PPP2R1B: variants seen among roughly 807,000 people sequenced by gnomAD.
PPP2R1B encodes the protein serine/threonine-protein phosphatase 2A 65 kDa regulatory subunit A beta isoform.
In PPP2R1B, 58 loss-of-function variants were observed where a neutral mutation model predicts 72.7. The ratio of observed to expected loss-of-function variants is 0.80; its 90% confidence interval spans 0.65 to 0.99. The LOEUF (loss-of-function observed/expected upper bound fraction) is 0.99, where lower values mean the gene tolerates loss of function less well. Among genes scored for constraint, PPP2R1B ranks in the 50% least tolerant of loss-of-function variants. The probability of loss-of-function intolerance (pLI) is 0.00; values close to 1 mark genes in which losing one functional copy is unlikely to be tolerated. For synonymous variants in PPP2R1B, 256 were observed against 264.6 expected (o/e 0.97, Z 0.32); for missense variants, 695 against 733.6 (o/e 0.95, Z 0.61).
chr11:111,703,279 T>C, the PPP2R1B span: 1 of 1,614,186 alleles, frequency 6.2e-7, no homozygotes, highest in Non-Finnish European at 8.5e-7. Flanking sequence ...TCAAGGAGCA[T>C]AAATGGATGC....
chr11:111,749,090 C>T (rs952103491), intron 10 of PPP2R1B, among the ~76,000 whole-genome samples: 3 of 152,124 alleles, frequency 2.0e-5, no homozygotes, highest in African/African-American at 2.4e-5. Context: ...GATGATCCGT[C>T]CGCCTCAGCC....
In PPP2R1B at chr11:111,752,015, C is replaced by G. The variant is rs1171888163; in HGVS notation, c.1338+144G>C. On this transcript the variant is annotated intron_variant, in intron 10 of 14. Transcript: ENST00000527614. ...ACGTATGCACTAACAAACATAAAAA[C>G]CATCCTATAGGTAACAAGAACAAGG... The G allele has an allele frequency of 1.7e-5, 15 of 885,248 alleles. No individual in the cohort carries two copies. The Admixed American group carries it at 4.0e-4, about 23-fold the overall frequency. 54.8% of individuals were successfully genotyped at this position (885,248 alleles called of 1,614,324 possible).
chr11:111,720,968 T>C, the PPP2R1B span: 1 of 1,614,182 alleles, frequency 6.2e-7, no homozygotes, highest in Non-Finnish European at 8.5e-7. Flanking sequence ...TTGAACAAAG[T>C]GCAGTTGTTG....
chr11:111,722,679 G>A (rs1943838084), downstream of PPP2R1B: 10 of 1,613,904 alleles, frequency 6.2e-6, no homozygotes, highest in Non-Finnish European at 8.5e-6. The surrounding 1 kb of genome is among the most constrained non-coding windows in gnomAD (Gnocchi z 4.4). Context: ...CCAGCCTTCT[G>A]TCAAAGGCCC....
chr11:111,753,723 C>T, intron 8 of PPP2R1B, 146 bp from the exon 9 acceptor site: 2 of 783,514 alleles, frequency 2.6e-6, no homozygotes, highest in South Asian at 3.8e-5. Context: ...CCCTCCCAGG[C>T]TCAAGCACTT....
chr11:111,751,742 C>G (rs1189969904), intron 10 of PPP2R1B, among the ~76,000 whole-genome samples: 1 of 152,234 alleles, frequency 6.6e-6, no homozygotes, highest in African/African-American at 2.4e-5. Flanking sequence ...CTTTGGGAGG[C>G]TGAGGCGGGT....
At chr11:111,763,860 C>CTT (rs1358325167) in intron 3 of PPP2R1B, among the ~76,000 whole-genome samples, 2 of 151,472 alleles carry the variant, frequency 1.3e-5, no homozygotes, top group Non-Finnish European at 2.9e-5. Flanking sequence ...CTCTCTCTCT[C>CTT]TCTCTCTCTA....
intron 13 of PPP2R1B, 24 bp downstream of exon 13, chr11:111,742,499 C>A (rs1944557950): frequency 1.2e-6 from 2 of 1,602,858 alleles, no homozygotes; most frequent in African/African-American, 2.7e-5. Flanking sequence ...ACTTTTAAAA[C>A]AAGACTAAAC....
At position 111,764,725 on chromosome 11, in the gene PPP2R1B, C is replaced by T. The variant is rs968404167; in HGVS notation, c.306+80G>A. 9.1e-5 allele frequency: 126 copies of T among 1,377,376 alleles called. No homozygotes were observed. In the Admixed American group the frequency reaches 2.4e-3, roughly 26 times the overall value. The allele number at this position is 1,377,376 out of a possible 1,614,324, so 85.3% of individuals were successfully genotyped here. A position where few individuals can be genotyped will look rare whatever the true frequency, so the allele number is the denominator to read the frequency against. ...AAAAAGATCTGCATAAAAAATGCTGCAGTGTGTCTATCACCAAACAATGTA... is the reference window on the plus strand; with the variant it reads ...AAAAAGATCTGCATAAAAAATGCTGTAGTGTGTCTATCACCAAACAATGTA... On this transcript the variant is annotated intron_variant, in intron 3 of 14. Transcript: ENST00000527614.
rs369484765 is a variant in PPP2R1B, at chr11:111,755,458, A to C, written c.688-8T>G. 6.3e-7 allele frequency: 1 copy of C among 1,592,716 alleles called. No individual in the cohort carries two copies. The highest frequency in any genetic ancestry group is 1.9e-5 in the Admixed American group (1 of 53,564). ...AAGGAGGCGCACTGAATCCTAAAGG[A>C]ACAAAATTTCTGTAATTCAGACATT... is the stretch of plus-strand genomic sequence containing the variant. On this transcript the variant is annotated splice_region_variant and splice_polypyrimidine_tract_variant and intron_variant, in intron 5 of 14. Coordinates refer to ENST00000527614, the MANE Select transcript of PPP2R1B (RefSeq NM_002716.5).
At chr11:111,745,910 G>T (rs1944688178) in intron 11 of PPP2R1B, among the ~76,000 whole-genome samples, 1 of 152,170 alleles carries the variant, frequency 6.6e-6, no homozygotes, top group Non-Finnish European at 1.5e-5. Context: ...AAGCAAAAAA[G>T]CTCCTGTGAT....
At chr11:111,720,857 T>C in the PPP2R1B span, 3 of 1,602,370 alleles carry the variant, frequency 1.9e-6, no homozygotes, top group Non-Finnish European at 2.6e-6. Flanking sequence ...TGAAAGGCCT[T>C]GTATTTTAGT....
At chr11:111,725,736 GTC>G (rs1943944507), downstream of PPP2R1B, 1 of 152,670 alleles carries the variant, frequency 6.6e-6, no homozygotes, top group Non-Finnish European at 1.5e-5. Context: ...CGTGTGGAAA[GTC>G]TAGGGGGTTC....
intron 5 of PPP2R1B, among the ~76,000 whole-genome samples, chr11:111,759,253 TA>T (rs1478757760): frequency 6.6e-6 from 1 of 152,244 alleles, no homozygotes; most frequent in Non-Finnish European, 1.5e-5. Context: ...CTGAATTACT[TA>T]ATACACATAA....
chr11:111,718,114 A>G, the PPP2R1B span, among the ~76,000 whole-genome samples: 1 of 152,216 alleles, frequency 6.6e-6, no homozygotes, highest in East Asian at 1.9e-4. Flanking sequence ...GGCTTATCCT[A>G]TAAGAAATGT....
downstream of PPP2R1B, chr11:111,726,769 G>A (rs1943981414): frequency 6.7e-6 from 4 of 594,138 alleles, no homozygotes; most frequent in African/African-American, 5.6e-5. Flanking sequence ...CTACTCTGAA[G>A]TACTGACTTG....
At chr11:111,710,236 G>C in the PPP2R1B span, among the ~76,000 whole-genome samples, 2 of 152,188 alleles carry the variant, frequency 1.3e-5, no homozygotes, top group Admixed American at 6.5e-5. Flanking sequence ...AAAAGAAAAA[G>C]TTGTTTAACA....
the PPP2R1B span, among the ~76,000 whole-genome samples, chr11:111,692,453 T>C: frequency 2.2e-5 from 3 of 137,614 alleles, no homozygotes; most frequent in Non-Finnish European, 4.5e-5. Flanking sequence ...CTCAAGCAGA[T>C]GGATCCACAC....
chr11:111,690,550 G>A, the PPP2R1B span, among the ~76,000 whole-genome samples: 4 of 151,832 alleles, frequency 2.6e-5, no homozygotes, highest in African/African-American at 9.7e-5. Context: ...CTATCAACTC[G>A]TCATCTAGGT....
Sources: allele counts gnomAD v4.1 joint callset (sites outside exome capture counted in the v4.1 genomes callset), GRCh38; gene constraint gnomAD v4.1.1; non-coding constraint Gnocchi (gnomAD v3.1); transcripts MANE v1.5; gene names NCBI Gene and HGNC (gene_info 2026-07-23, HGNC 2026-07-21).